HDAC8: variants seen among roughly 807,000 people sequenced by gnomAD.
HDAC8 encodes the protein histone deacetylase-like 1.
HDAC8 carries 1 observed loss-of-function variant against 32.2 expected under a neutral mutation model. The ratio of observed to expected loss-of-function variants is 0.03; its 90% CI spans 0.01 to 0.15. HDAC8 has a LOEUF of 0.15. Among genes scored for constraint, HDAC8 ranks in the 10% least tolerant of loss-of-function variants. The probability of loss-of-function intolerance (pLI) is 1.00; values close to 1 mark genes in which losing one functional copy is unlikely to be tolerated. For synonymous variants in HDAC8, 108 were observed against 113.9 expected (o/e 0.95, Z 0.33); for missense variants, 117 against 300.0 (o/e 0.39, Z 4.51).
intron 2 of HDAC8, 54 bp downstream of exon 2, chrX:72,572,003 T>G (rs1358528425): frequency 1.9e-5 from 19 of 1,002,602 alleles, no homozygotes; most frequent in Non-Finnish European, 2.4e-5. Context: ...TGAAGCAGGA[T>G]ATTAAGGCTA....
At chrX:72,534,466 G>A (rs1556037955) in intron 4 of HDAC8, among the ~76,000 whole-genome samples, 1 of 109,182 alleles carries the variant, frequency 9.2e-6, no homozygotes, top group Non-Finnish European at 1.9e-5. Context: ...GCATCACCAT[G>A]CCCGGCTAAT....
chrX:72,521,439 C>CA (rs782184929), intron 4 of HDAC8, among the ~76,000 whole-genome samples: 2 of 111,410 alleles, frequency 1.8e-5, no homozygotes, highest in African/African-American at 6.5e-5. Context: ...TGAGCATACC[C>CA]AGTACCTAGA....
intron 10 of HDAC8, among the ~76,000 whole-genome samples, chrX:72,332,607 GT>G (rs782403645): frequency 1.8e-3 from 167 of 90,578 alleles, no homozygotes; most frequent in Middle Eastern, 5.5e-3. Flanking sequence ...CTTCCTAATT[GT>G]TTTTTTTTTT....
rs1335075248 is a variant in HDAC8 at position 72,422,105 on chromosome X, GT to G, written c.1005+39898del. ...GATTCTCTCTTTGTCTTTGTCAACA[GT>G]TTGATTATAATGTCTCTTGATGTGG... On this transcript the variant is annotated intron_variant, in intron 9 of 10. Coordinates refer to ENST00000373573, the MANE Select transcript of HDAC8 (RefSeq NM_018486.3). 2.7e-5 allele frequency among the ~76,000 whole-genome samples: 3 copies of G among 111,520 alleles called. No homozygotes were observed. The Admixed American group carries it at 2.9e-4, about 11-fold the overall frequency.
intron 4 of HDAC8, among the ~76,000 whole-genome samples, chrX:72,548,570 C>T (rs2050945673): frequency 8.9e-6 from 1 of 112,004 alleles, no homozygotes; most frequent in Non-Finnish European, 1.9e-5. Context: ...CCTGCCACCT[C>T]CTTGTCTCAC....
rs1198227111 is a variant in HDAC8 at position 72,552,298 on chromosome X, CA to C, written c.437+15590del. Among the ~76,000 whole-genome samples the C allele has an allele frequency of 3.5e-4, 34 of 96,812 alleles. No homozygotes were observed. In the Middle Eastern group the frequency reaches 0.016, roughly 46 times the overall value. The allele number at this position is 96,812 out of a possible 115,157, so 84.1% of individuals were successfully genotyped here. On this transcript the variant is annotated intron_variant, in intron 4 of 10. Coordinates refer to ENST00000373573, the MANE Select transcript of HDAC8 (RefSeq NM_018486.3). The stretch of plus-strand genomic sequence containing the variant: ...GCAACATAAGGAGACCCCATCTCTA[CA>C]AAAAAAAAAAATTTAAATTTAGCCA...
chrX:72,387,774 A>T (rs1054137507), intron 9 of HDAC8, among the ~76,000 whole-genome samples: 1 of 111,812 alleles, frequency 8.9e-6, no homozygotes, highest in South Asian at 3.8e-4. Flanking sequence ...GTTTCCAGGG[A>T]CTGTGGTAGG....
At chrX:72,503,946 G>A (rs1556017552) in intron 4 of HDAC8, among the ~76,000 whole-genome samples, 1 of 112,011 alleles carries the variant, frequency 8.9e-6, no homozygotes, top group African/African-American at 3.2e-5. Context: ...AGGATATTTT[G>A]TCGACCTCAA....
chrX:72,450,313 A>G (rs1555986955), intron 9 of HDAC8, among the ~76,000 whole-genome samples: 1 of 112,395 alleles, frequency 8.9e-6, no homozygotes, highest in East Asian at 2.8e-4. Context: ...CTCTGTGATA[A>G]TGGAACAGCG....
chrX:72,494,228 T>C (rs2048955396), intron 5 of HDAC8, among the ~76,000 whole-genome samples: 1 of 111,397 alleles, frequency 9.0e-6, no homozygotes, highest in Non-Finnish European at 1.9e-5. Context: ...CATGGTAGCA[T>C]CCATGCAGAT....
chrX:72,399,879 T>C (rs902883426), intron 9 of HDAC8, among the ~76,000 whole-genome samples: 1 of 112,506 alleles, frequency 8.9e-6, no homozygotes, highest in Non-Finnish European at 1.9e-5. Flanking sequence ...CTTTACATTC[T>C]TTCTTAAATG....
intron 9 of HDAC8, among the ~76,000 whole-genome samples, chrX:72,405,322 T>C (rs1266892415): frequency 8.9e-6 from 1 of 112,702 alleles, no homozygotes; most frequent in Non-Finnish European, 1.9e-5. Flanking sequence ...TTCTTTTTTA[T>C]AGCTGCATAG....
At chrX:72,516,463 C>T (rs782151885) in intron 4 of HDAC8, among the ~76,000 whole-genome samples, 25 of 110,430 alleles carry the variant, frequency 2.3e-4, no homozygotes, top group African/African-American at 7.6e-4. Flanking sequence ...TAAAAGATGG[C>T]AAAAAGTAGA....
chrX:72,571,625 G>A (rs1024183070), intron 2 of HDAC8, among the ~76,000 whole-genome samples: 11 of 88,997 alleles, frequency 1.2e-4, no homozygotes, highest in Non-Finnish European at 1.9e-4. Flanking sequence ...GCAGTGCAAT[G>A]GTGCAATCTC....
intron 9 of HDAC8, among the ~76,000 whole-genome samples, chrX:72,402,331 T>C (rs1279240169): frequency 9.0e-6 from 1 of 110,667 alleles, no homozygotes; most frequent in East Asian, 2.8e-4. Context: ...CCTTACTGTA[T>C]TTTCTATTTT....
rs898180464 is a variant in HDAC8 at position 72,419,659 on chromosome X, T to C, written c.1005+42345A>G. On this transcript the variant is annotated intron_variant, in intron 9 of 10. Transcript: ENST00000373573. ...CTTCCAGTACAACATAGAATAGCAG[T>C]GGTAAAAGTTAATATTCATGTCTTG... 5.4e-5 allele frequency among the ~76,000 whole-genome samples: 6 copies of C among 111,646 alleles called. No homozygotes were observed. In the Admixed American group the frequency reaches 5.7e-4, roughly 11 times the overall value.
chrX:72,487,232 T>C (rs1197037014), intron 7 of HDAC8, among the ~76,000 whole-genome samples: 1 of 112,205 alleles, frequency 8.9e-6, no homozygotes, highest in Admixed American at 9.4e-5. Context: ...TTAAAAATGC[T>C]TCTGATTAGG....
intron 4 of HDAC8, among the ~76,000 whole-genome samples, chrX:72,552,790 A>T (rs188821179): frequency 0.072 from 7,376 of 102,623 alleles, 479 homozygotes; most frequent in African/African-American, 0.21. Context: ...AAAAAAAAAA[A>T]ATATATATAT....
intron 7 of HDAC8, among the ~76,000 whole-genome samples, chrX:72,471,433 C>T (rs182662882): frequency 2.9e-3 from 320 of 112,112 alleles, no homozygotes; most frequent in Admixed American, 5.5e-3. Flanking sequence ...CCACAGTGGG[C>T]CACACCATTT....
Sources: gnomAD v4.1 joint callset for allele counts (sites outside exome capture counted in the v4.1 genomes callset) on GRCh38, gnomAD v4.1.1 for gene constraint, MANE v1.5 for transcripts, NCBI Gene and HGNC (gene_info 2026-07-23, HGNC 2026-07-21) for gene names.